Variants in MICAL3 observed in about 807,000 individuals in gnomAD.
The protein encoded by MICAL3 is [F-actin]-monooxygenase MICAL3.
MICAL3 carries 62 observed loss-of-function variants against 207.4 expected under a neutral mutation model. That is an observed-to-expected ratio of 0.30 (90% CI 0.24 to 0.37). The LOEUF (loss-of-function observed/expected upper bound fraction) is 0.37. Ranked by LOEUF, MICAL3 falls within the 10% of genes least tolerant of loss-of-function variation. MICAL3 has a pLI of 1.00. For synonymous variants in MICAL3, 1,077 were observed against 1,069.3 expected (o/e 1.01, Z -0.14); for missense variants, 2,368 against 2,635.6 (o/e 0.90, Z 2.22).
intron 20 of MICAL3, among the ~76,000 whole-genome samples, 153 bp from the exon 21 acceptor site, chr22:17,832,260 A>G (rs1323379080): frequency 6.6e-6 from 1 of 152,256 alleles, no homozygotes; most frequent in Non-Finnish European, 1.5e-5. Context: ...CGGCATCAGC[A>G]GGACAGGGTA....
chr22:17,842,088 C>G (rs1924071759), intron 19 of MICAL3, 71 bp from the exon 20 acceptor site: 2 of 1,456,260 alleles, frequency 1.4e-6, no homozygotes, highest in African/African-American at 2.8e-5. Flanking sequence ...GGGGCTGACA[C>G]CCAGGCTGCA....
rs8135928 is a variant in MICAL3 at position 17,834,597 on chromosome 22, T to C, written c.2802-2490A>G. The C allele has an allele frequency of 1.3e-3, 1,420 of 1,119,694 alleles. 12 individuals carry two copies. The African/African-American group carries it at 0.022, about 17-fold the overall frequency. The allele number at this position is 1,119,694 out of a possible 1,614,324, so 69.4% of individuals were successfully genotyped here. On this transcript the variant is annotated intron_variant, in intron 20 of 31. Transcript: ENST00000441493. ...TAAATTAAAAATAACAAAAGCTCCT[T>C]ATTCTCAAGGGGAGGAAAGGTGTAC...
intron 1 of MICAL3, among the ~76,000 whole-genome samples, chr22:17,954,627 C>T (rs1025215886): frequency 1.3e-5 from 2 of 152,096 alleles, no homozygotes; most frequent in East Asian, 1.9e-4. Context: ...GCCAGGCAAA[C>T]GTTAAACCAT....
chr22:17,879,885 C>T (rs1929258820), intron 16 of MICAL3, among the ~76,000 whole-genome samples: 1 of 152,086 alleles, frequency 6.6e-6, no homozygotes, highest in Non-Finnish European at 1.5e-5. Context: ...AGCATCGGGC[C>T]AAAGCATAAT....
Position 17,906,706 on chromosome 22 carries a change from C to A in MICAL3, c.107G>T (p.Cys36Phe). ...CTTTGGCTTTAGTTCCAGGTGGTCACAGAGCTCCTGGAAAGCCTTGAGGGT... is the reference window on the plus strand; with the variant it reads ...CTTTGGCTTTAGTTCCAGGTGGTCAAAGAGCTCCTGGAAAGCCTTGAGGGT... The part of the protein sequence containing the change: ...KGTLKAFQEL[C>F]DHLELKPKDY... Residue 36 changes from cysteine (C) to phenylalanine (F), a missense_variant, in exon 2 of 32, where the codon TGT becomes TTT. Cys to Phe is a radical substitution (Grantham distance 205). This residue lies in a region of MICAL3 where 400 missense variants were observed against 547.0 expected (regional missense o/e 0.73). Coordinates refer to ENST00000441493, the MANE Select transcript of MICAL3 (RefSeq NM_015241.3). 6.2e-7 allele frequency: 1 copy of A among 1,613,954 alleles called. No individual in the cohort carries two copies. Among genetic ancestry groups the A allele is most frequent in the Non-Finnish European group, 8.5e-7 (1 of 1,179,878 alleles).
At chr22:17,975,264 G>C (rs1271836711) in intron 1 of MICAL3, among the ~76,000 whole-genome samples, 1 of 152,098 alleles carries the variant, frequency 6.6e-6, no homozygotes, top group African/African-American at 2.4e-5. Flanking sequence ...GCTCTACTCA[G>C]AATGGGAACA....
At chr22:17,929,568 CTTTTTTT>C (rs67222681) in intron 1 of MICAL3, among the ~76,000 whole-genome samples, 8 of 108,902 alleles carry the variant, frequency 7.3e-5, no homozygotes, top group Admixed American at 4.7e-4. Flanking sequence ...CTTTTCTTTT[CTTTTTTT>C]TTTTTTTTTT....
chr22:17,810,972 A>G, intron 27 of MICAL3, 159 bp from the exon 28 acceptor site: 1 of 598,016 alleles, frequency 1.7e-6, no homozygotes, highest in Non-Finnish European at 3.0e-6. Context: ...GAGTGCTAGC[A>G]GGACGGGGGT....
intron 9 of MICAL3, 53 bp from the exon 10 acceptor site, chr22:17,895,463 C>T: frequency 1.9e-6 from 3 of 1,599,276 alleles, no homozygotes; most frequent in Non-Finnish European, 2.6e-6. Flanking sequence ...ATGAACATCT[C>T]CCTCTCGTTT....
At chr22:17,976,561 G>GTA (rs751076102) in intron 1 of MICAL3, among the ~76,000 whole-genome samples, 1,379 of 79,874 alleles carry the variant, frequency 0.017, 57 homozygotes, top group African/African-American at 0.044. Flanking sequence ...GTGTGTGTGT[G>GTA]TATATATATA....
chr22:17,928,300 G>T (rs1012356721), intron 1 of MICAL3, among the ~76,000 whole-genome samples: 7 of 152,094 alleles, frequency 4.6e-5, no homozygotes, highest in Non-Finnish European at 1.0e-4. Context: ...TTAGCGGGGC[G>T]TGGTGGCGGG....
At chr22:17,888,930 T>C in intron 13 of MICAL3, 104 bp downstream of exon 13, 2 of 724,238 alleles carry the variant, frequency 2.8e-6, no homozygotes, top group East Asian at 2.8e-5. Context: ...ACAGAGTAAC[T>C]TTGTGTTTGG....
rs1484783454 is a variant in MICAL3 at position 17,790,783 on chromosome 22, C to T, written c.5958G>A (p.Lys1986=). 1.9e-6 allele frequency: 3 copies of T among 1,612,542 alleles called. No individual in the cohort carries two copies. In the South Asian group the frequency reaches 3.3e-5, roughly 18 times the overall value. The change falls in exon 32 of 32, where the codon AAG becomes AAA. Residue 1986 remains lysine (K), a synonymous_variant. Transcript: ENST00000441493. The part of the protein sequence containing the change: ...EQRLREREED[K]DLEAAMLSKG... ...TGGACAGCATGGCAGCCTCCAGGTC[C>T]TTGTCCTCCTCTCTCTCCCGGAGCC...
chr22:17,863,367 T>A, intron 19 of MICAL3: 1 of 985,386 alleles, frequency 1.0e-6, no homozygotes, highest in Non-Finnish European at 1.2e-6. Context: ...GGTGGTGCTC[T>A]CTCCAACTGA....
intron 19 of MICAL3, chr22:17,861,044 C>T (rs902806617): frequency 3.0e-6 from 3 of 985,316 alleles, no homozygotes; most frequent in Non-Finnish European, 3.6e-6. Flanking sequence ...TCAGCTATGG[C>T]TCTTGGGGTA....
chr22:17,941,160 T>G (rs1438544258), intron 1 of MICAL3, among the ~76,000 whole-genome samples: 1 of 152,192 alleles, frequency 6.6e-6, no homozygotes, highest in Non-Finnish European at 1.5e-5. Flanking sequence ...TCTCTTCGTC[T>G]CATAACAAGT....
chr22:17,998,545 A>AT (rs1922565356), intron 1 of MICAL3, among the ~76,000 whole-genome samples: 4 of 138,800 alleles, frequency 2.9e-5, no homozygotes, highest in African/African-American at 1.0e-4. Flanking sequence ...AATAATAATA[A>AT]TAATTATTAT....
intron 1 of MICAL3, among the ~76,000 whole-genome samples, chr22:17,934,510 GGGCAAAAACT>G (rs1933422155): frequency 6.6e-6 from 1 of 152,132 alleles, no homozygotes; most frequent in African/African-American, 2.4e-5. Context: ...CATACTGAAT[GGGCAAAAACT>G]GGAAGCATTC....
chr22:17,804,735 CCT>C (rs1249056812), intron 29 of MICAL3, among the ~76,000 whole-genome samples: 2 of 152,178 alleles, frequency 1.3e-5, no homozygotes, highest in East Asian at 3.8e-4. Context: ...ATGGTGTTGC[CCT>C]CTCTCCAAAC....
Sources: gnomAD v4.1 joint callset for allele counts (sites outside exome capture counted in the v4.1 genomes callset) on GRCh38, gnomAD v4.1.1 for gene constraint, gnomAD v4.1.1 regional missense constraint, MANE v1.5 for transcripts, NCBI Gene and HGNC (gene_info 2026-07-23, HGNC 2026-07-21) for gene names.